Variants in CD38 observed in about 807,000 individuals in gnomAD.
The protein encoded by CD38 is CD38 molecule, also known as ADP-ribosyl cyclase/cyclic ADP-ribose hydrolase 1.
A neutral mutation model predicts 36.3 loss-of-function variants in CD38; 31 were observed. That is an observed-to-expected ratio of 0.85 (90% CI 0.64 to 1.15). The LOEUF is 1.15. Ranked by LOEUF, CD38 falls within the 50% of genes most tolerant of loss-of-function variation. The probability of loss-of-function intolerance (pLI) is 0.00; values close to 1 mark genes in which losing one functional copy is unlikely to be tolerated. For missense variants in CD38, 380 were observed against 371.9 expected (o/e 1.02, Z -0.18); for synonymous variants, 131 against 135.2 (o/e 0.97, Z 0.22).
chr4:15,795,794 G>C (rs968004511), intron 1 of CD38, among the ~76,000 whole-genome samples: 4 of 152,088 alleles, frequency 2.6e-5, no homozygotes, highest in Non-Finnish European at 5.9e-5. Context: ...ATAGTAGACA[G>C]TTATTCTACA....
At chr4:15,828,922 T>G (rs2148925645) in intron 3 of CD38, among the ~76,000 whole-genome samples, 1 of 152,328 alleles carries the variant, frequency 6.6e-6, no homozygotes, top group Admixed American at 6.5e-5. Context: ...GGTATACTAA[T>G]TTACTTTCCC....
At chr4:15,782,885 C>T (rs953744273) in intron 1 of CD38, among the ~76,000 whole-genome samples, 38 of 152,204 alleles carry the variant, frequency 2.5e-4, no homozygotes, top group Non-Finnish European at 2.9e-5. Flanking sequence ...CTGCCTGTCA[C>T]ACAGTCTTAG....
In CD38 at chr4:15,791,817, C is replaced by T. The variant is rs1183375292; in HGVS notation, c.233+13170C>T. 5.5e-5 allele frequency among the ~76,000 whole-genome samples: 5 copies of T among 90,910 alleles called. 1 individual carries two copies. The highest frequency in any genetic ancestry group is 1.0e-4 in the Non-Finnish European group (5 of 50,048). The allele number at this position is 90,910 out of a possible 152,430, so 59.6% of individuals were successfully genotyped here. On this transcript the variant is annotated intron_variant, in intron 1 of 7. Transcript: ENST00000226279. ...GAGGGAGGTGGGAGGGTCAGCCCCC[C>T]GCCCGGCCAGCCGCCCTATCCAGGA...
chr4:15,834,269 T>G lies in CD38; in HGVS notation c.552T>G (p.Pro184=), dbSNP rs1438130783. ...GGAGAAAGGACTGCAGCAACAACCC[T>G]GTTTCAGTATTCTGGAAAACGGTTT... ...PDWRKDCSNN[P]VSVFWKTVSR... is the part of the protein sequence containing the mutation. Residue 184 remains proline (P), a synonymous_variant, in exon 4 of 8, where the codon CCT becomes CCG. Transcript: ENST00000226279. The G allele has an allele frequency of 6.2e-7, 1 of 1,612,972 alleles. No homozygotes were observed. The highest frequency in any genetic ancestry group is 1.3e-5 in the African/African-American group (1 of 74,928).
intron 3 of CD38, among the ~76,000 whole-genome samples, chr4:15,828,254 G>T (rs183931331): frequency 8.5e-5 from 13 of 152,164 alleles, no homozygotes; most frequent in African/African-American, 2.6e-4. Flanking sequence ...GGGCTCAAGC[G>T]ATCTACCCTC....
In CD38 at chr4:15,778,734, C is replaced by T. The variant is rs953293265; in HGVS notation, c.233+87C>T. The T allele has an allele frequency of 7.4e-6, 7 of 949,382 alleles. No homozygotes were observed. Among genetic ancestry groups the T allele is most frequent in the Admixed American group, 7.1e-5 (3 of 41,968 alleles). 58.8% of individuals were successfully genotyped at this position (949,382 alleles called of 1,614,324 possible). On this transcript the variant is annotated intron_variant, in intron 1 of 7. Transcript: ENST00000226279. This position sits in a 1 kb window ranked among gnomAD's most constrained non-coding sequence, Gnocchi z 4.9. ...GGAAGCCGCCCGGATCGCCCGGAAC[C>T]GGGCATCTTCCGTGGCGGGTCAGCC...
chr4:15,795,042 G>T (rs1393736738), intron 1 of CD38, among the ~76,000 whole-genome samples: 2 of 152,140 alleles, frequency 1.3e-5, no homozygotes, highest in East Asian at 1.9e-4. Flanking sequence ...GAGACAATAA[G>T]TACATTTAGA....
At chr4:15,812,557 G>A (rs1475733564) in intron 1 of CD38, among the ~76,000 whole-genome samples, 1 of 152,088 alleles carries the variant, frequency 6.6e-6, no homozygotes, top group South Asian at 2.1e-4. Context: ...ATAAAAAACT[G>A]GGCATGGTGG....
At chr4:15,809,791 AT>A (rs1342055385) in intron 1 of CD38, among the ~76,000 whole-genome samples, 2 of 152,180 alleles carry the variant, frequency 1.3e-5, no homozygotes, top group African/African-American at 4.8e-5. Flanking sequence ...TTTGAAAAAA[AT>A]ATTATTGAAC....
chr4:15,839,385 G>A (rs1724149868), intron 5 of CD38, among the ~76,000 whole-genome samples: 1 of 147,954 alleles, frequency 6.8e-6, no homozygotes, highest in South Asian at 2.2e-4. Context: ...GATCATTTCA[G>A]CAGGTTATAG....
intron 1 of CD38, among the ~76,000 whole-genome samples, chr4:15,779,025 G>A (rs1333815352): frequency 6.6e-6 from 1 of 152,228 alleles, no homozygotes; most frequent in Non-Finnish European, 1.5e-5. Context: ...AATAGAACTC[G>A]CAGATGCAGG....
chr4:15,837,164 A>G (rs1360398111), intron 4 of CD38, among the ~76,000 whole-genome samples: 1 of 152,194 alleles, frequency 6.6e-6, no homozygotes, highest in Non-Finnish European at 1.5e-5. Context: ...ATGTATCAAG[A>G]ACCTCCTTGC....
chr4:15,814,818 T>C (rs1200511241), intron 1 of CD38, among the ~76,000 whole-genome samples: 1 of 147,542 alleles, frequency 6.8e-6, no homozygotes, highest in Non-Finnish European at 1.5e-5. Flanking sequence ...TTTTGTTTTT[T>C]TTTTTTGAGA....
intron 1 of CD38, among the ~76,000 whole-genome samples, chr4:15,796,767 C>T (rs1349057512): frequency 1.3e-5 from 2 of 152,050 alleles, no homozygotes; most frequent in Non-Finnish European, 2.9e-5. Context: ...TCTTCCGTGT[C>T]TTAGTTTTTT....
chr4:15,805,085 G>A (rs1170646367), intron 1 of CD38, among the ~76,000 whole-genome samples: 1 of 151,912 alleles, frequency 6.6e-6, no homozygotes, highest in African/African-American at 2.4e-5. Flanking sequence ...TAGTTTTTTT[G>A]ATCTTATTAT....
intron 1 of CD38, among the ~76,000 whole-genome samples, chr4:15,813,866 G>A (rs1291881451): frequency 6.6e-6 from 1 of 152,148 alleles, no homozygotes; most frequent in Non-Finnish European, 1.5e-5. Context: ...CATTTGGGTT[G>A]GCTCTAAGTC....
At chr4:15,783,761 C>G (rs1259137747) in intron 1 of CD38, among the ~76,000 whole-genome samples, 1 of 152,148 alleles carries the variant, frequency 6.6e-6, no homozygotes, top group Non-Finnish European at 1.5e-5. Context: ...ATGTCGATTT[C>G]TTTTTTATTT....
chr4:15,819,675 A>G (rs1404546510), intron 2 of CD38, among the ~76,000 whole-genome samples: 3 of 152,192 alleles, frequency 2.0e-5, no homozygotes, highest in Non-Finnish European at 4.4e-5. Flanking sequence ...TTGCTGAAAT[A>G]AGACAGGCAG....
At chr4:15,794,633 C>G (rs1320598933) in intron 1 of CD38, among the ~76,000 whole-genome samples, 1 of 151,702 alleles carries the variant, frequency 6.6e-6, no homozygotes, top group Admixed American at 6.6e-5. Context: ...GGAACAAATT[C>G]AAGAAAAAAA....
Sources: gnomAD v4.1 joint callset for allele counts (sites outside exome capture counted in the v4.1 genomes callset) on GRCh38, gnomAD v4.1.1 for gene constraint, Gnocchi (gnomAD v3.1) non-coding constraint, MANE v1.5 for transcripts, NCBI Gene and HGNC (gene_info 2026-07-23, HGNC 2026-07-21) for gene names.